TNRC6B: variants seen among roughly 807,000 people sequenced by gnomAD.
TNRC6B encodes the protein trinucleotide repeat-containing gene 6B protein.
In TNRC6B, 52 loss-of-function variants were observed where a neutral mutation model predicts 203.6. The ratio of observed to expected loss-of-function variants is 0.26; its 90% CI spans 0.20 to 0.32. TNRC6B has a LOEUF of 0.32. Ranked by LOEUF, TNRC6B falls within the 10% of genes least tolerant of loss-of-function variation. TNRC6B has a pLI of 1.00. For missense variants in TNRC6B, 1,923 were observed against 2,286.2 expected (o/e 0.84, Z 3.24); for synonymous variants, 838 against 845.7 (o/e 0.99, Z 0.16).
At chr22:40,226,550 G>A (rs1490123470) in intron 1 of TNRC6B, among the ~76,000 whole-genome samples, 1 of 152,154 alleles carries the variant, frequency 6.6e-6, no homozygotes, top group African/African-American at 2.4e-5. Flanking sequence ...TTTTCTTAAA[G>A]CGTAGATCTG....
At chr22:40,216,752 A>G (rs1301984246) in intron 1 of TNRC6B, among the ~76,000 whole-genome samples, 2 of 152,212 alleles carry the variant, frequency 1.3e-5, no homozygotes, top group Non-Finnish European at 2.9e-5. Context: ...GAAAAAATCT[A>G]CTTATTAAAC....
chr22:40,324,587 T>A lies in TNRC6B; in HGVS notation c.*1346T>A, dbSNP rs918411218. On this transcript the variant is annotated 3_prime_UTR_variant, in exon 23 of 23. Transcript: ENST00000454349. ...TGAAAGCATCTGCAGCTACTCCCTC[T>A]GCTCCTTTCTCGCCGAGCGTTACCT... 2 of 152,678 alleles carry A rather than the reference T, an allele frequency of 1.3e-5. No individual in the cohort carries two copies. Among genetic ancestry groups the A allele is most frequent in the Non-Finnish European group, 2.9e-5 (2 of 68,046 alleles). The allele number at this position is 152,678 out of a possible 1,614,324, so 9.5% of individuals were successfully genotyped here.
At chr22:40,165,713 CCTT>C (rs1296974046) in intron 4 of TNRC6B, among the ~76,000 whole-genome samples, 1 of 152,136 alleles carries the variant, frequency 6.6e-6, no homozygotes, top group Non-Finnish European at 1.5e-5. Flanking sequence ...GCAAACATGT[CCTT>C]CTTCACTTGG....
chr22:40,241,102 G>C (rs2070022487), intron 1 of TNRC6B, among the ~76,000 whole-genome samples: 1 of 152,170 alleles, frequency 6.6e-6, no homozygotes, highest in Non-Finnish European at 1.5e-5. Context: ...CTGAGCAATA[G>C]TTTTGTGTTT....
chr22:40,183,566 T>G (rs2069163132), intron 1 of TNRC6B, among the ~76,000 whole-genome samples: 2 of 152,188 alleles, frequency 1.3e-5, no homozygotes, highest in Admixed American at 1.3e-4. Flanking sequence ...TTCTCAGCAA[T>G]TTCAAATGAA....
chr22:40,248,470 C>G (rs890585041), intron 2 of TNRC6B, among the ~76,000 whole-genome samples: 1 of 152,186 alleles, frequency 6.6e-6, no homozygotes, highest in South Asian at 2.1e-4. Context: ...GTATATATTC[C>G]TCTTCATTTT....
At chr22:40,156,193 G>A (rs1569001344) in intron 4 of TNRC6B, 1 of 1,562,758 alleles carries the variant, frequency 6.4e-7, no homozygotes, top group Admixed American at 1.9e-5. Flanking sequence ...GTGAGTCACA[G>A]TTTATTTAAA....
intron 3 of TNRC6B, chr22:40,253,670 G>A: frequency 2.2e-6 from 1 of 456,380 alleles, no homozygotes; most frequent in South Asian, 1.5e-5. Context: ...GGATTTAATT[G>A]TTAGACAGCA....
intron 1 of TNRC6B, among the ~76,000 whole-genome samples, chr22:40,054,641 T>G (rs931142532): frequency 3.9e-5 from 6 of 152,368 alleles, no homozygotes; most frequent in African/African-American, 1.4e-4. Context: ...TATTCACATT[T>G]GTGTCACCAA....
At chr22:40,184,358 A>G (rs576455439) in intron 1 of TNRC6B, among the ~76,000 whole-genome samples, 1 of 152,320 alleles carries the variant, frequency 6.6e-6, no homozygotes, top group East Asian at 1.9e-4. Context: ...ACCACGGGGC[A>G]CTAGTGGACA....
chr22:40,062,308 C>G (rs2067859998), intron 1 of TNRC6B, among the ~76,000 whole-genome samples: 1 of 152,060 alleles, frequency 6.6e-6, no homozygotes, highest in African/African-American at 2.4e-5. Context: ...TTAGGCAGTT[C>G]TCCTGCCTTA....
At chr22:40,285,856 A>T in intron 12 of TNRC6B, 86 bp downstream of exon 12, 1 of 1,515,224 alleles carries the variant, frequency 6.6e-7, no homozygotes, top group Non-Finnish European at 8.9e-7. Flanking sequence ...TGGGCATAAA[A>T]AGAATGATAG....
intron 3 of TNRC6B, among the ~76,000 whole-genome samples, chr22:40,142,475 A>C (rs2068653049): frequency 6.6e-6 from 1 of 152,222 alleles, no homozygotes; most frequent in Non-Finnish European, 1.5e-5. Context: ...ATAGCATTTC[A>C]CATCCACTAG....
chr22:40,102,714 G>T (rs969445265), intron 1 of TNRC6B, among the ~76,000 whole-genome samples: 2 of 152,112 alleles, frequency 1.3e-5, no homozygotes, highest in Non-Finnish European at 2.9e-5. Flanking sequence ...GAGATGGGGA[G>T]ACTGCTTGAG....
intron 1 of TNRC6B, among the ~76,000 whole-genome samples, chr22:40,079,778 C>T (rs184528035): frequency 2.4e-4 from 36 of 151,828 alleles, no homozygotes; most frequent in Admixed American, 2.1e-3. Context: ...ACCACCACAC[C>T]TGGCTAATTT....
At chr22:40,271,452 C>T (rs1035303731) in intron 6 of TNRC6B, among the ~76,000 whole-genome samples, 1 of 152,238 alleles carries the variant, frequency 6.6e-6, no homozygotes, top group Non-Finnish European at 1.5e-5. Flanking sequence ...TGGAAATTCA[C>T]ATGTGTGTAT....
intron 2 of TNRC6B, among the ~76,000 whole-genome samples, chr22:40,124,241 CA>C: frequency 6.6e-6 from 1 of 151,982 alleles, no homozygotes; most frequent in Non-Finnish European, 1.5e-5. Context: ...AAGCCTACAC[CA>C]AAACAGATCA....
intron 1 of TNRC6B, among the ~76,000 whole-genome samples, chr22:40,193,853 C>A (rs2069303179): frequency 6.7e-6 from 1 of 149,748 alleles, no homozygotes. Flanking sequence ...GCGCCACCCA[C>A]CCTCCAAAAA....
chr22:40,230,083 A>C (rs771206624), intron 1 of TNRC6B, among the ~76,000 whole-genome samples: 5 of 152,286 alleles, frequency 3.3e-5, no homozygotes, highest in Non-Finnish European at 5.9e-5. Context: ...ATCATGAGAG[A>C]GTTCCATTTG....
Sources: allele counts gnomAD v4.1 joint callset (sites outside exome capture counted in the v4.1 genomes callset), GRCh38; gene constraint gnomAD v4.1.1; transcripts MANE v1.5; gene names NCBI Gene and HGNC (gene_info 2026-07-23, HGNC 2026-07-21).